CDKL5: variants seen among roughly 807,000 people sequenced by gnomAD.
CDKL5 encodes the protein cyclin dependent kinase like 5, also known as cyclin-dependent kinase-like 5.
In CDKL5, 8 loss-of-function variants were observed where a neutral mutation model predicts 61.7. That is an observed-to-expected ratio of 0.13 (90% CI 0.08 to 0.23). The LOEUF (loss-of-function observed/expected upper bound fraction) is 0.23, where lower values mean the gene tolerates loss of function less well. Among genes scored for constraint, CDKL5 ranks in the 10% least tolerant of loss-of-function variants. CDKL5 has a pLI of 1.00. For synonymous variants in CDKL5, 275 were observed against 272.3 expected (o/e 1.01, Z -0.10); for missense variants, 440 against 734.5 (o/e 0.60, Z 4.63).
intron 1 of CDKL5, among the ~76,000 whole-genome samples, chrX:18,501,831 G>C (rs1391561543): frequency 8.9e-6 from 1 of 112,409 alleles, no homozygotes; most frequent in Non-Finnish European, 1.9e-5. Flanking sequence ...TTACAGGCGT[G>C]AGCCACCACG....
At chrX:18,586,027 C>G (rs756383949) in intron 8 of CDKL5, among the ~76,000 whole-genome samples, 1 of 111,287 alleles carries the variant, frequency 9.0e-6, no homozygotes, top group Non-Finnish European at 1.9e-5. Context: ...AGTAGTAATT[C>G]TTGATTCATT....
intron 3 of CDKL5, among the ~76,000 whole-genome samples, chrX:18,530,784 CT>C (rs770441068): frequency 3.6e-5 from 4 of 111,347 alleles, no homozygotes; most frequent in African/African-American, 6.5e-5. Context: ...ATAAATAGGC[CT>C]TTAGTGTAAG....
At chrX:18,545,527 C>T (rs1024224916) in intron 3 of CDKL5, among the ~76,000 whole-genome samples, 2 of 111,857 alleles carry the variant, frequency 1.8e-5, no homozygotes, top group Non-Finnish European at 3.8e-5. Context: ...ATAATATAGC[C>T]GTGTTCCTCT....
chrX:18,523,717 A>C (rs759652442), intron 3 of CDKL5, among the ~76,000 whole-genome samples: 1 of 111,551 alleles, frequency 9.0e-6, no homozygotes, highest in African/African-American at 3.3e-5. Context: ...GGGAGAATGT[A>C]CACCACATTT....
At chrX:18,577,418 CAGTG>C (rs762714029) in intron 5 of CDKL5, among the ~76,000 whole-genome samples, 10 of 112,094 alleles carry the variant, frequency 8.9e-5, no homozygotes, top group Non-Finnish European at 1.9e-4. Context: ...TCATAATTGA[CAGTG>C]AGTCTCAGGA....
At chrX:18,510,396 C>A (rs1160451018) in intron 2 of CDKL5, among the ~76,000 whole-genome samples, 1 of 112,239 alleles carries the variant, frequency 8.9e-6, no homozygotes, top group Admixed American at 9.4e-5. Context: ...CTCAGGTGAT[C>A]TGCCAGCCTC....
chrX:18,645,874 G>C, intron 19 of CDKL5: 1 of 960,215 alleles, frequency 1.0e-6, no homozygotes, highest in South Asian at 2.1e-5. Flanking sequence ...AGTCTCCCTT[G>C]CAACTAGATG....
chrX:18,646,347 T>G (rs1927772414), intron 20 of CDKL5, among the ~76,000 whole-genome samples: 1 of 111,345 alleles, frequency 9.0e-6, no homozygotes, highest in South Asian at 3.7e-4. Flanking sequence ...AGAGATGAGG[T>G]TTCACCATGT....
intron 16 of CDKL5, among the ~76,000 whole-genome samples, chrX:18,624,604 G>A (rs936456761): frequency 1.8e-5 from 2 of 112,044 alleles, no homozygotes; most frequent in African/African-American, 6.5e-5. Context: ...CATAATGATA[G>A]ATCCAGATAT....
chrX:18,432,694 C>T (rs1463523949), intron 1 of CDKL5, among the ~76,000 whole-genome samples: 2 of 107,308 alleles, frequency 1.9e-5, no homozygotes, highest in East Asian at 6.0e-4. Context: ...CAGTCTCCAC[C>T]TCCCCAGGCT....
chrX:18,481,221 C>A (rs193167701), intron 1 of CDKL5, among the ~76,000 whole-genome samples: 55 of 108,743 alleles, frequency 5.1e-4, no homozygotes, highest in Admixed American at 4.7e-3. Flanking sequence ...TTTTTTTAAA[C>A]CTACTTCTTT....
chrX:18,528,639 TATTA>T (rs771086191), intron 3 of CDKL5, among the ~76,000 whole-genome samples: 2 of 110,174 alleles, frequency 1.8e-5, no homozygotes, highest in Non-Finnish European at 3.8e-5. Flanking sequence ...TCTATTTATT[TATTA>T]ATTATTTTTA....
intron 1 of CDKL5, among the ~76,000 whole-genome samples, chrX:18,484,327 T>C (rs910930217): frequency 2.3e-4 from 25 of 109,693 alleles, no homozygotes; most frequent in African/African-American, 8.4e-4. Flanking sequence ...TTCTTTTTTT[T>C]TGGGGGGGGG....
At chrX:18,594,192 G>A (rs1925917888) in intron 9 of CDKL5, among the ~76,000 whole-genome samples, 2 of 112,062 alleles carry the variant, frequency 1.8e-5, no homozygotes, top group African/African-American at 6.5e-5. Context: ...ATGCTTGTAT[G>A]TTGGTATAGA....
At chrX:18,456,036 T>TTTTC (rs977899719) in intron 1 of CDKL5, among the ~76,000 whole-genome samples, 5 of 110,549 alleles carry the variant, frequency 4.5e-5, no homozygotes, top group African/African-American at 1.3e-4. Context: ...AACCCAATCT[T>TTTTC]TTTCTTTCTT....
chrX:18,463,310 C>T (rs1932331497), intron 1 of CDKL5, among the ~76,000 whole-genome samples: 1 of 110,806 alleles, frequency 9.0e-6, no homozygotes. Flanking sequence ...TGCTTCTTCC[C>T]CTGAATGTAC....
In CDKL5 at chrX:18,494,409, C is replaced by T. The variant is rs151162206; in HGVS notation, c.-162-12526C>T. ...ATTACAGGCATGTGCCACCATACCC[C>T]GTTAATTTTTTGTATTTCTTTTTTT... On this transcript the variant is annotated intron_variant, in intron 1 of 17. Transcript: ENST00000623535. Among the ~76,000 whole-genome samples, 28 of 111,448 alleles carry T rather than the reference C, an allele frequency of 2.5e-4. No homozygotes were observed. In the East Asian group the frequency reaches 7.3e-3, roughly 29 times the overall value.
intron 3 of CDKL5, among the ~76,000 whole-genome samples, chrX:18,520,823 G>A (rs1375286496): frequency 2.7e-5 from 3 of 111,335 alleles, no homozygotes; most frequent in Non-Finnish European, 3.8e-5. Context: ...TGCAACCTCC[G>A]CCTCCCAGGT....
chrX:18,581,485 A>G (rs1925479951), intron 6 of CDKL5, among the ~76,000 whole-genome samples: 1 of 111,934 alleles, frequency 8.9e-6, no homozygotes, highest in South Asian at 3.7e-4. Flanking sequence ...AATGCTAGCT[A>G]CTTATTCTCA....
Sources: allele counts gnomAD v4.1 joint callset (sites outside exome capture counted in the v4.1 genomes callset), GRCh38; gene constraint gnomAD v4.1.1; transcripts MANE v1.5; gene names NCBI Gene and HGNC (gene_info 2026-07-23, HGNC 2026-07-21).